DUSP5: variants seen among roughly 807,000 people sequenced by gnomAD.
DUSP5 encodes the protein dual specificity phosphatase 5.
In DUSP5, 22 loss-of-function variants were observed where a neutral mutation model predicts 33.6. The observed-to-expected ratio is 0.66, with a 90% CI of 0.47 to 0.94. The LOEUF (loss-of-function observed/expected upper bound fraction) is 0.94. Among genes scored for constraint, DUSP5 ranks in the 40% least tolerant of loss-of-function variants. DUSP5 has a pLI of 0.00. For missense variants in DUSP5, 551 were observed against 522.1 expected, an observed-to-expected ratio of 1.06 and a Z score of -0.54; for synonymous variants, 270 against 231.1, an observed-to-expected ratio of 1.17 and a Z score of -1.53.
chr10:110,511,384 C>A lies in DUSP5; in HGVS notation c.*958C>A, dbSNP rs1037944079. On this transcript the variant is annotated 3_prime_UTR_variant, in exon 4 of 4. Transcript: ENST00000369583. ...GATTTGCAGATTTTGCAACGTGGTA[C>A]TACTTTTTTTTTCTTTTTGTCTGTT... 4 of 152,520 alleles carry A rather than the reference C, an allele frequency of 2.6e-5. No individual in the cohort carries two copies. The highest frequency in any genetic ancestry group is 9.7e-5 in the African/African-American group (4 of 41,384). The allele number at this position is 152,520 out of a possible 1,614,324, so 9.4% of individuals were successfully genotyped here.
chr10:110,498,139 C>G lies in DUSP5; in HGVS notation c.18C>G (p.Leu6=). 1 of 1,445,252 alleles carries G rather than the reference C, an allele frequency of 6.9e-7. No individual in the cohort carries two copies. The highest frequency in any genetic ancestry group is 1.3e-5 in the South Asian group (1 of 78,544). 89.5% of individuals were successfully genotyped at this position (1,445,252 alleles called of 1,614,324 possible). A position where few individuals can be genotyped will look rare whatever the true frequency, so the allele number is the denominator to read the frequency against. MKVTS[L]DGRQLRKMLR... The stretch of plus-strand genomic sequence containing the variant: ...GCGGCGGCATGAAGGTCACGTCGCT[C>G]GACGGGCGCCAGCTGCGCAAGATGC... The change falls in exon 1 of 4, where the codon CTC becomes CTG. Residue 6 remains leucine (L), a synonymous_variant. Transcript: ENST00000369583.
chr10:110,507,446 C>T (rs1200085639), intron 3 of DUSP5, among the ~76,000 whole-genome samples: 1 of 152,166 alleles, frequency 6.6e-6, no homozygotes, highest in Non-Finnish European at 1.5e-5. Context: ...CTGAGTGTAT[C>T]CCTGCGTAAT....
intron 3 of DUSP5, among the ~76,000 whole-genome samples, chr10:110,509,248 G>A (rs1345719951): frequency 6.6e-6 from 1 of 152,154 alleles, no homozygotes; most frequent in Non-Finnish European, 1.5e-5. Flanking sequence ...TCCCCTTTTT[G>A]TCATATTGAG....
intron 1 of DUSP5, among the ~76,000 whole-genome samples, 162 bp downstream of exon 1, chr10:110,498,662 G>T (rs1432272663): frequency 6.6e-6 from 1 of 152,200 alleles, no homozygotes; most frequent in African/African-American, 2.4e-5. Context: ...GCAAATGTCA[G>T]CACTCAGAGC....
chr10:110,508,004 A>C (rs912211695), intron 3 of DUSP5, among the ~76,000 whole-genome samples: 3 of 152,216 alleles, frequency 2.0e-5, no homozygotes, highest in African/African-American at 7.2e-5. Flanking sequence ...AGTTGTTGAA[A>C]CTGACGCGTG....
chr10:110,502,590 C>T (rs1860067063), intron 1 of DUSP5, 131 bp from the exon 2 acceptor site: 1 of 1,088,816 alleles, frequency 9.2e-7, no homozygotes, highest in South Asian at 1.7e-5. Context: ...TTTTTAATGA[C>T]CAGAATCTGT....
chr10:110,498,596 G>A (rs759903613), intron 1 of DUSP5, 96 bp downstream of exon 1: 1 of 1,321,472 alleles, frequency 7.6e-7, no homozygotes, highest in Non-Finnish European at 9.7e-7. Context: ...GACCGGGAGA[G>A]TCACCACCTG....
chr10:110,499,524 C>G (rs1041714522), intron 1 of DUSP5, among the ~76,000 whole-genome samples: 5 of 76,440 alleles, frequency 6.5e-5, no homozygotes, highest in Non-Finnish European at 1.6e-4. Flanking sequence ...TGTTGGGGAT[C>G]AGAGCTCGGT....
chr10:110,507,233 A>AAGCT, intron 3 of DUSP5, 79 bp downstream of exon 3: 2 of 1,413,436 alleles, frequency 1.4e-6, no homozygotes, highest in Non-Finnish European at 1.9e-6. Flanking sequence ...GCCCTGATGG[A>AAGCT]AGCTACCTTC....
intron 2 of DUSP5, among the ~76,000 whole-genome samples, chr10:110,504,389 G>A (rs975847722): frequency 3.3e-5 from 5 of 152,202 alleles, no homozygotes; most frequent in Non-Finnish European, 7.3e-5. Context: ...CTAAACAGAA[G>A]TTCAAAAAGG....
chr10:110,501,735 C>G lies in DUSP5; in HGVS notation c.380-986C>G, dbSNP rs79876877. Among the ~76,000 whole-genome samples, 892 of 152,244 alleles carry G rather than the reference C, an allele frequency of 5.9e-3. 8 individuals carry two copies. Among genetic ancestry groups the G allele is most frequent in the African/African-American group, 0.02 (848 of 41,542 alleles). On this transcript the variant is annotated intron_variant, in intron 1 of 3. Coordinates refer to ENST00000369583, the MANE Select transcript of DUSP5 (RefSeq NM_004419.4). ...CTGGGTTACCAGCAAAGGAGTTTCC[C>G]AAGCAAGGCTGGCCTGTTGCACCTG...
intron 2 of DUSP5, among the ~76,000 whole-genome samples, chr10:110,505,303 C>T (rs1037719535): frequency 2.0e-5 from 3 of 152,120 alleles, no homozygotes; most frequent in Non-Finnish European, 2.9e-5. Context: ...CTCAAGTTGC[C>T]CATCCGTAAA....
chr10:110,510,245 A>G lies in DUSP5; in HGVS notation c.974A>G (p.Gln325Arg). 6.2e-7 allele frequency: 1 copy of G among 1,614,024 alleles called. No homozygotes were observed. The highest frequency in any genetic ancestry group is 8.5e-7 in the Non-Finnish European group (1 of 1,180,002). Residue 325 changes from glutamine to arginine, a missense_variant, in exon 4 of 4, where the codon CAG (glutamine) becomes CGG (arginine). Gln to Arg is a conservative substitution (Grantham distance 43, BLOSUM62 1). This residue lies in a region of DUSP5 where 158 missense variants were observed against 181.8 expected (regional missense o/e 0.87). Coordinates refer to ENST00000369583, the MANE Select transcript of DUSP5 (RefSeq NM_004419.4). Reference sequence around the variant, plus strand: ...ATCCTGCCCTCCACGCCCAACCCCCAGCCTCCCTCCTGCCAAGGGGAGGCA... The same window carrying G: ...ATCCTGCCCTCCACGCCCAACCCCCGGCCTCCCTCCTGCCAAGGGGAGGCA... ...SEILPSTPNP[Q>R]PPSCQGEAAG...
chr10:110,510,600 G>T lies in DUSP5; in HGVS notation c.*174G>T. Reference sequence around the variant, plus strand: ...TGAACTTCAGACGGACCTCAGGGTAGGTTCTCGGGACTGAAGGAAGGCCAA... The same window carrying T: ...TGAACTTCAGACGGACCTCAGGGTATGTTCTCGGGACTGAAGGAAGGCCAA... On this transcript the variant is annotated 3_prime_UTR_variant, in exon 4 of 4. Coordinates refer to ENST00000369583, the MANE Select transcript of DUSP5 (RefSeq NM_004419.4). 1 of 934,776 alleles carries T rather than the reference G, an allele frequency of 1.1e-6. No homozygotes were observed. Among genetic ancestry groups the T allele is most frequent in the Non-Finnish European group, 1.5e-6 (1 of 649,394 alleles). The allele number at this position is 934,776 out of a possible 1,614,324, so 57.9% of individuals were successfully genotyped here.
Position 110,498,444 on chromosome 10 carries a change from T to C in DUSP5, c.323T>C (p.Val108Ala). 1 of 1,542,510 alleles carries C rather than the reference T, an allele frequency of 6.5e-7. No homozygotes were observed. The highest frequency in any genetic ancestry group is 8.7e-7 in the Non-Finnish European group (1 of 1,153,626). The change falls in exon 1 of 4, where the codon GTC becomes GCC. Residue 108 changes from valine to alanine, a missense_variant. Transcript: ENST00000369583. ...KLREESAARV[V>A]LTSLLACLPA... is the part of the protein sequence containing the mutation. ...CGAGAGGAGAGCGCCGCGCGTGTCG[T>C]CCTCACCTCGCTACTCGCTTGCCTA...
intron 3 of DUSP5, 31 bp downstream of exon 3, chr10:110,507,185 T>G (rs773151780): frequency 6.3e-7 from 1 of 1,599,940 alleles, no homozygotes; most frequent in Admixed American, 1.7e-5. Context: ...TCAGTTATTT[T>G]GGGAGCCCCT....
chr10:110,498,506 C>T lies in DUSP5; in HGVS notation c.379+6C>T. ...GCGGGTCTACTTCCTCAAAGGTGAG[C>T]GCTCGGGGTCCCTGCCACGCTCGCC... is the stretch of plus-strand genomic sequence containing the variant. On this transcript the variant is annotated splice_donor_region_variant and intron_variant, in intron 1 of 3. Transcript: ENST00000369583. 6.7e-7 allele frequency: 1 copy of T among 1,503,340 alleles called. No individual in the cohort carries two copies. 93.1% of individuals were successfully genotyped at this position (1,503,340 alleles called of 1,614,324 possible).
At position 110,502,775 on chromosome 10, in the gene DUSP5, C is replaced by T. The variant is rs1303240887; in HGVS notation, c.434C>T (p.Pro145Leu). ...EYPECCVDVK[P>L]ISQEKIESER... ...CCTGAGTGTTGCGTGGATGTAAAAC[C>T]CATTTCACAAGAGAAGATTGAGAGT... is the stretch of plus-strand genomic sequence containing the variant. The change falls in exon 2 of 4, where the codon CCC becomes CTC. Residue 145 changes from proline (P) to leucine (L), a missense_variant. By Grantham distance (98) the Pro-to-Leu change is moderately conservative. Coordinates refer to ENST00000369583, the MANE Select transcript of DUSP5 (RefSeq NM_004419.4). The T allele has an allele frequency of 6.2e-7, 1 of 1,614,074 alleles. No homozygotes were observed. Among genetic ancestry groups the T allele is most frequent in the Non-Finnish European group, 8.5e-7 (1 of 1,180,026 alleles).
intron 1 of DUSP5, among the ~76,000 whole-genome samples, chr10:110,498,944 C>T (rs2134655141): frequency 6.6e-6 from 1 of 152,314 alleles, no homozygotes; most frequent in Middle Eastern, 3.4e-3. Flanking sequence ...CCCCTTCCTC[C>T]CGCCTAGCCA....
Sources: allele counts gnomAD v4.1 joint callset (sites outside exome capture counted in the v4.1 genomes callset), GRCh38; gene constraint gnomAD v4.1.1; regional missense constraint gnomAD v4.1.1; transcripts MANE v1.5; gene names NCBI Gene and HGNC (gene_info 2026-07-23, HGNC 2026-07-21).